Variants in DNAJC10 observed in about 807,000 individuals in gnomAD.
The protein encoded by DNAJC10 is DnaJ heat shock protein family (Hsp40) member C10.
A neutral mutation model predicts 115.0 loss-of-function variants in DNAJC10; 101 were observed. The observed-to-expected ratio is 0.88, with a 90% confidence interval of 0.75 to 1.04. The LOEUF is 1.04. Among genes scored for constraint, DNAJC10 ranks in the 50% least tolerant of loss-of-function variants. DNAJC10 has a pLI of 0.00. For missense variants in DNAJC10, 981 were observed against 928.8 expected, an observed-to-expected ratio of 1.06 and a Z score of -0.73; for synonymous variants, 307 against 301.5, an observed-to-expected ratio of 1.02 and a Z score of -0.19.
At chr2:182,754,735 C>A in intron 16 of DNAJC10, 1 of 1,153,644 alleles carries the variant, frequency 8.7e-7, no homozygotes. Flanking sequence ...TATAATTACC[C>A]ATGCCGATTT....
rs1489742833 is a variant in DNAJC10 at position 182,785,287 on chromosome 2, T to G, written c.*8155T>G. 1 of 152,116 alleles carries G rather than the reference T, an allele frequency of 6.6e-6. No individual in the cohort carries two copies. The highest frequency in any genetic ancestry group is 1.9e-4 in the East Asian group (1 of 5,198). The allele number at this position is 152,116 out of a possible 1,614,324, so 9.4% of individuals were successfully genotyped here. A position where few individuals can be genotyped will look rare whatever the true frequency, so the allele number is the denominator to read the frequency against. On this transcript the variant is annotated 3_prime_UTR_variant, in exon 24 of 24. Transcript: ENST00000264065. ...TAAATAAAACATAAAATTGGACTAA[T>G]AGCTTAATTTTTTTTTTTAATTCAA... is the stretch of plus-strand genomic sequence containing the variant.
rs1240420698 is a variant in DNAJC10, at chr2:182,782,184, C to T, written c.*5052C>T. The T allele has an allele frequency of 6.6e-6, 1 of 152,172 alleles. No individual in the cohort carries two copies. The highest frequency in any genetic ancestry group is 1.9e-4 in the East Asian group (1 of 5,192). The allele number at this position is 152,172 out of a possible 1,614,324, so 9.4% of individuals were successfully genotyped here. On this transcript the variant is annotated 3_prime_UTR_variant, in exon 24 of 24. Coordinates refer to ENST00000264065, the MANE Select transcript of DNAJC10 (RefSeq NM_018981.4). ...ACATGTGGCTAGCCTGTTTTCCCAA[C>T]ATCATTTATTAAATAGGGAATCCTT...
chr2:182,745,406 G>A (rs935191822), intron 14 of DNAJC10, among the ~76,000 whole-genome samples: 1 of 152,184 alleles, frequency 6.6e-6, no homozygotes, highest in Admixed American at 6.5e-5. Flanking sequence ...ACTCCTTCCT[G>A]TTCCACAGAA....
intron 5 of DNAJC10, among the ~76,000 whole-genome samples, chr2:182,727,354 T>C (rs1693315021): frequency 6.6e-6 from 1 of 152,214 alleles, no homozygotes; most frequent in Non-Finnish European, 1.5e-5. Context: ...TATTTTTATA[T>C]AAAAATAACT....
At position 182,778,968 on chromosome 2, in the gene DNAJC10, A is replaced by G. The variant is rs1438498961; in HGVS notation, c.*1836A>G. The G allele has an allele frequency of 6.6e-6, 1 of 152,236 alleles. No homozygotes were observed. The highest frequency in any genetic ancestry group is 1.5e-5 in the Non-Finnish European group (1 of 68,052). The allele number at this position is 152,236 out of a possible 1,614,324, so 9.4% of individuals were successfully genotyped here. On this transcript the variant is annotated 3_prime_UTR_variant, in exon 24 of 24. Coordinates refer to ENST00000264065, the MANE Select transcript of DNAJC10 (RefSeq NM_018981.4). ...AAAAGGAATCTAAGACATGGTCCCCATCTTCCAACTGTCTGTAATTCACTG... is the reference window on the plus strand; with the variant it reads ...AAAAGGAATCTAAGACATGGTCCCCGTCTTCCAACTGTCTGTAATTCACTG...
intron 14 of DNAJC10, among the ~76,000 whole-genome samples, chr2:182,750,642 T>G (rs1241386007): frequency 6.6e-6 from 1 of 152,230 alleles, no homozygotes; most frequent in African/African-American, 2.4e-5. Flanking sequence ...ACTACACATC[T>G]AGGCTATACA....
rs151152458 is a variant in DNAJC10 at position 182,752,043 on chromosome 2, G to A, written c.1435-29G>A. The A allele has an allele frequency of 1.4e-4, 208 of 1,538,808 alleles. 1 individual carries two copies. In the East Asian group the frequency reaches 4.4e-3, roughly 32 times the overall value. On this transcript the variant is annotated intron_variant, in intron 15 of 23. Coordinates refer to ENST00000264065, the MANE Select transcript of DNAJC10 (RefSeq NM_018981.4). ...GGGGGTTTTTTGTGTCATTTGGCTC[G>A]GTGCTTATGAATATTTTTTCTTTCC... is the stretch of plus-strand genomic sequence containing the variant.
chr2:182,765,279 TA>T (rs1317947532), intron 22 of DNAJC10, among the ~76,000 whole-genome samples: 1 of 152,152 alleles, frequency 6.6e-6, no homozygotes. Flanking sequence ...TAATTAAGTT[TA>T]ATCCATCCCA....
At position 182,790,901 on chromosome 2, in the gene DNAJC10, T is replaced by C. The variant is rs1475932125; in HGVS notation, c.*13769T>C. ...CTAAGCTGACTTATTTTCTGACTTT[T>C]CCTTTGCTTTATTCTCTTATTTCTT... On this transcript the variant is annotated 3_prime_UTR_variant, in exon 24 of 24. Transcript: ENST00000264065. 6.6e-6 allele frequency: 1 copy of C among 152,182 alleles called. No individual in the cohort carries two copies. Among genetic ancestry groups the C allele is most frequent in the Non-Finnish European group, 1.5e-5 (1 of 68,020 alleles). The allele number at this position is 152,182 out of a possible 1,614,324, so 9.4% of individuals were successfully genotyped here.
At position 182,757,778 on chromosome 2, in the gene DNAJC10, T is replaced by C. The variant is rs140104007; in HGVS notation, c.1896T>C (p.Pro632=). 332 of 1,578,900 alleles carry C rather than the reference T, an allele frequency of 2.1e-4. 2 individuals are homozygous for C. In the African/African-American group the frequency reaches 4.1e-3, roughly 19 times the overall value. The change falls in exon 19 of 24, where the codon CCT becomes CCC. Residue 632 remains proline, a synonymous_variant. Coordinates refer to ENST00000264065, the MANE Select transcript of DNAJC10 (RefSeq NM_018981.4). ...CCCAGGAAAACGTTCAAAGATACCCTGAGATAAGATTTTTTCCCCCAAAAT... is the reference window on the plus strand; with the variant it reads ...CCCAGGAAAACGTTCAAAGATACCCCGAGATAAGATTTTTTCCCCCAAAAT... The part of the protein sequence containing the change: ...FCAQENVQRY[P]EIRFFPPKSN...
Position 182,728,673 on chromosome 2 carries a change from C to T in DNAJC10, c.501+15C>T. 6.3e-7 allele frequency: 1 copy of T among 1,599,988 alleles called. No individual in the cohort carries two copies. ...TAGCTCCCACAGTATGTATTTTTCA[C>T]ATCCTCATTACTAGTTTTATTTCTA... is the stretch of plus-strand genomic sequence containing the variant. On this transcript the variant is annotated intron_variant, in intron 6 of 23. Transcript: ENST00000264065.
intron 18 of DNAJC10, among the ~76,000 whole-genome samples, chr2:182,756,870 C>T (rs1694170887): frequency 6.6e-6 from 1 of 152,230 alleles, no homozygotes; most frequent in South Asian, 2.1e-4. Flanking sequence ...AACCCCTGGC[C>T]TCAAGTAATC....
rs963657561 is a variant in DNAJC10 at position 182,785,439 on chromosome 2, CT to C, written c.*8309del. On this transcript the variant is annotated 3_prime_UTR_variant, in exon 24 of 24. Coordinates refer to ENST00000264065, the MANE Select transcript of DNAJC10 (RefSeq NM_018981.4). ...TGAATTCTCGCCCTGTAGTCAAGTACTTACTATGAGTTTGGAAAAATTGCTT... is the reference window on the plus strand; with the variant it reads ...TGAATTCTCGCCCTGTAGTCAAGTACTACTATGAGTTTGGAAAAATTGCTT... 8 of 152,130 alleles carry C rather than the reference CT, an allele frequency of 5.3e-5. No individual in the cohort carries two copies. The highest frequency in any genetic ancestry group is 6.8e-3 in the Middle Eastern group (2 of 294). The allele number at this position is 152,130 out of a possible 1,614,324, so 9.4% of individuals were successfully genotyped here.
At chr2:182,772,045 A>G (rs1371979651) in intron 22 of DNAJC10, among the ~76,000 whole-genome samples, 3 of 152,198 alleles carry the variant, frequency 2.0e-5, no homozygotes, top group Non-Finnish European at 4.4e-5. Flanking sequence ...GTTTCAAAGA[A>G]CATCTTTATT....
intron 4 of DNAJC10, among the ~76,000 whole-genome samples, chr2:182,720,678 A>G (rs1462128347): frequency 6.9e-6 from 1 of 144,342 alleles, no homozygotes; most frequent in Non-Finnish European, 1.5e-5. Flanking sequence ...AAAATTCCCT[A>G]ACAACACATT....
chr2:182,772,250 A>G (rs1694583933), intron 22 of DNAJC10, among the ~76,000 whole-genome samples: 1 of 152,156 alleles, frequency 6.6e-6, no homozygotes, highest in Non-Finnish European at 1.5e-5. Flanking sequence ...TATGTTGTCA[A>G]TTTTAGAATA....
chr2:182,717,927 C>G lies in DNAJC10; in HGVS notation c.-146-14C>G, dbSNP rs1421095031. On this transcript the variant is annotated splice_polypyrimidine_tract_variant and intron_variant, in intron 2 of 23. Coordinates refer to ENST00000264065, the MANE Select transcript of DNAJC10 (RefSeq NM_018981.4). ...GTTCAAAATGTATTTTAACTGCCTG[C>G]TTTTCTTTCTTAGATTAATATTTTT... 2 of 497,724 alleles carry G rather than the reference C, an allele frequency of 4.0e-6. No individual in the cohort carries two copies. Among genetic ancestry groups the G allele is most frequent in the Non-Finnish European group, 7.0e-6 (2 of 286,364 alleles). The allele number at this position is 497,724 out of a possible 1,614,324, so 30.8% of individuals were successfully genotyped here. A position where few individuals can be genotyped will look rare whatever the true frequency, so the allele number is the denominator to read the frequency against.
intron 14 of DNAJC10, among the ~76,000 whole-genome samples, chr2:182,746,566 C>CT (rs1284121696): frequency 6.6e-6 from 1 of 152,076 alleles, no homozygotes; most frequent in East Asian, 1.9e-4. Context: ...CCTTCGCCCA[C>CT]TTTTTGATGG....
At chr2:182,767,382 C>G (rs1376667258) in intron 22 of DNAJC10, among the ~76,000 whole-genome samples, 2 of 151,646 alleles carry the variant, frequency 1.3e-5, no homozygotes, top group Admixed American at 1.3e-4. Flanking sequence ...ATCTACAGTG[C>G]ACTGGATAGC....
Sources: gnomAD v4.1 joint callset for allele counts (sites outside exome capture counted in the v4.1 genomes callset) on GRCh38, gnomAD v4.1.1 for gene constraint, MANE v1.5 for transcripts, NCBI Gene and HGNC (gene_info 2026-07-23, HGNC 2026-07-21) for gene names.